The following CLASP1 variants were observed in gnomAD, a reference collection of about 807,000 sequenced individuals.
CLASP1 encodes the protein CLIP-associating protein 1.
Under a neutral mutation model 192.3 loss-of-function variants are expected in CLASP1, and 38 were observed. The observed-to-expected ratio is 0.20, with a 90% CI of 0.15 to 0.26. The LOEUF (loss-of-function observed/expected upper bound fraction) is 0.26, where lower values mean the gene tolerates loss of function less well. Among genes scored for constraint, CLASP1 ranks in the 10% least tolerant of loss-of-function variants. The pLI is 1.00. For missense variants in CLASP1, 1,433 were observed against 1,932.5 expected (o/e 0.74, Z 4.85); for synonymous variants, 691 against 712.8 (o/e 0.97, Z 0.49).
At chr2:121,394,603 T>G (rs1484296273) in intron 30 of CLASP1, among the ~76,000 whole-genome samples, 1 of 152,164 alleles carries the variant, frequency 6.6e-6, no homozygotes, top group African/African-American at 2.4e-5. Flanking sequence ...AAATCTTGGC[T>G]GGGCGCAGTG....
At chr2:121,414,630 G>C (rs2078255582) in intron 23 of CLASP1, among the ~76,000 whole-genome samples, 1 of 152,188 alleles carries the variant, frequency 6.6e-6, no homozygotes, top group South Asian at 2.1e-4. Flanking sequence ...AGTATGTGAT[G>C]CATATGCAAC....
intron 2 of CLASP1, chr2:121,530,844 G>A (rs1341154463): frequency 4.5e-6 from 3 of 667,542 alleles, no homozygotes; most frequent in Middle Eastern, 7.7e-4. Flanking sequence ...CCAGGTATTG[G>A]CGCTTCCTGC....
intron 2 of CLASP1, among the ~76,000 whole-genome samples, chr2:121,532,022 C>A (rs1056888242): frequency 2.0e-5 from 3 of 152,224 alleles, no homozygotes; most frequent in Non-Finnish European, 4.4e-5. Flanking sequence ...AATGTTCACA[C>A]AACAACCAAA....
intron 2 of CLASP1, among the ~76,000 whole-genome samples, chr2:121,590,854 C>CA (rs1553645310): frequency 6.7e-6 from 1 of 148,978 alleles, no homozygotes; most frequent in Non-Finnish European, 1.5e-5. Flanking sequence ...AAATGTTCTT[C>CA]AAAAATTATT....
intron 2 of CLASP1, among the ~76,000 whole-genome samples, chr2:121,558,691 C>T (rs1409787537): frequency 6.6e-6 from 1 of 152,098 alleles, no homozygotes; most frequent in African/African-American, 2.4e-5. Flanking sequence ...GCCCTCACGC[C>T]TATAAGAAAA....
At chr2:121,375,361 A>ATTTTTTTT (rs34714381) in intron 34 of CLASP1, among the ~76,000 whole-genome samples, 3 of 116,986 alleles carry the variant, frequency 2.6e-5, no homozygotes, top group Non-Finnish European at 3.5e-5. Context: ...CTAGTTTCTG[A>ATTTTTTTT]TTTTTTTTTT....
At chr2:121,460,279 A>C (rs1458354486) in intron 11 of CLASP1, among the ~76,000 whole-genome samples, 154 bp from the exon 12 acceptor site, 2 of 152,232 alleles carry the variant, frequency 1.3e-5, no homozygotes, top group Admixed American at 1.3e-4. Context: ...AATATTAGCT[A>C]ATACAATAAA....
chr2:121,408,761 T>A (rs527938370), intron 24 of CLASP1, among the ~76,000 whole-genome samples: 1 of 152,274 alleles, frequency 6.6e-6, no homozygotes, highest in East Asian at 1.9e-4. Context: ...AGGCACAAAC[T>A]GAGTTAATAA....
intron 8 of CLASP1, among the ~76,000 whole-genome samples, chr2:121,496,044 C>T (rs12052951): frequency 0.037 from 5,648 of 152,306 alleles, 157 homozygotes; most frequent in East Asian, 0.14. Flanking sequence ...GAAGGAGAGC[C>T]ACACATTTCC....
intron 6 of CLASP1, among the ~76,000 whole-genome samples, chr2:121,520,962 C>T (rs887297772): frequency 3.3e-5 from 5 of 152,126 alleles, no homozygotes; most frequent in Admixed American, 3.3e-4. Context: ...TGCAACTCTC[C>T]AACAATGAAA....
At position 121,507,649 on chromosome 2, in the gene CLASP1, A is replaced by G. The variant is rs541701368; in HGVS notation, c.645-4415T>C. Among the ~76,000 whole-genome samples the G allele has an allele frequency of 5.1e-3, 773 of 152,354 alleles. 3 individuals are homozygous for G. Among genetic ancestry groups the G allele is most frequent in the Middle Eastern group, 0.024 (7 of 294 alleles). ...AATGGCTAAAAACTTCACAAATTTGATATAAAACAATCTATATATTTAACA... is the reference window on the plus strand; with the variant it reads ...AATGGCTAAAAACTTCACAAATTTGGTATAAAACAATCTATATATTTAACA... On this transcript the variant is annotated intron_variant, in intron 7 of 39. Transcript: ENST00000263710.
chr2:121,432,345 C>T (rs555909140), intron 19 of CLASP1, among the ~76,000 whole-genome samples: 8 of 152,180 alleles, frequency 5.3e-5, no homozygotes, highest in Non-Finnish European at 1.0e-4. Context: ...TCTCCAACTC[C>T]TGACCTCAAG....
At chr2:121,635,766 A>G (rs958961551) in intron 1 of CLASP1, among the ~76,000 whole-genome samples, 3 of 152,264 alleles carry the variant, frequency 2.0e-5, no homozygotes, top group Non-Finnish European at 4.4e-5. Context: ...ATACATACTC[A>G]TTGCTCAAAC....
chr2:121,418,966 G>A (rs182602806), intron 22 of CLASP1, among the ~76,000 whole-genome samples: 15 of 152,248 alleles, frequency 9.9e-5, no homozygotes, highest in East Asian at 1.9e-4. Context: ...ATTTCAGTAC[G>A]AAGGTGAAAT....
In CLASP1 at chr2:121,466,459, A is replaced by T. The variant is rs149142038; in HGVS notation, c.865+3349T>A. Among the ~76,000 whole-genome samples, 113 of 152,240 alleles carry T rather than the reference A, an allele frequency of 7.4e-4. 1 individual carries two copies. The highest frequency in any genetic ancestry group is 2.5e-3 in the African/African-American group (102 of 41,538). ...AGACAGCATTTTAATGCTAACCATG[A>T]GTACAGCTTTTACTTGGCCCACTCA... On this transcript the variant is annotated intron_variant, in intron 9 of 39. Coordinates refer to ENST00000263710, the Ensembl canonical transcript of CLASP1.
intron 30 of CLASP1, among the ~76,000 whole-genome samples, chr2:121,396,043 A>G (rs2075232026): frequency 6.6e-6 from 1 of 152,218 alleles, no homozygotes; most frequent in Non-Finnish European, 1.5e-5. Flanking sequence ...CGAAAAAACA[A>G]CAGAGTGTCT....
intron 6 of CLASP1, among the ~76,000 whole-genome samples, chr2:121,524,328 C>T (rs188761578): frequency 3.3e-5 from 5 of 152,060 alleles, no homozygotes; most frequent in African/African-American, 9.6e-5. Flanking sequence ...GGATACAAAA[C>T]GATAATCTAT....
chr2:121,498,664 C>G (rs1312466589), intron 8 of CLASP1, among the ~76,000 whole-genome samples: 1 of 152,162 alleles, frequency 6.6e-6, no homozygotes, highest in African/African-American at 2.4e-5. Flanking sequence ...TAAATCACAT[C>G]TGGTAAGAGT....
intron 39 of CLASP1, among the ~76,000 whole-genome samples, chr2:121,345,697 C>G (rs1469481712): frequency 6.6e-6 from 1 of 152,158 alleles, no homozygotes; most frequent in East Asian, 1.9e-4. Flanking sequence ...ACCCCCAAAC[C>G]ATGCACTGCA....
Sources: gnomAD v4.1 joint callset for allele counts (sites outside exome capture counted in the v4.1 genomes callset) on GRCh38, gnomAD v4.1.1 for gene constraint, MANE v1.5 for transcripts, NCBI Gene and HGNC (gene_info 2026-07-23, HGNC 2026-07-21) for gene names.